TAF4B: variants seen among roughly 807,000 people sequenced by gnomAD.
The protein encoded by TAF4B is transcription initiation factor TFIID subunit 4B.
TAF4B carries 38 observed loss-of-function variants against 86.4 expected under a neutral mutation model. The ratio of observed to expected loss-of-function variants is 0.44; its 90% confidence interval spans 0.34 to 0.58. TAF4B has a LOEUF of 0.58. TAF4B is among the 20% of genes least tolerant of loss of function. The probability of loss-of-function intolerance (pLI) is 0.02; values close to 1 mark genes in which losing one functional copy is unlikely to be tolerated. For synonymous variants in TAF4B, 388 were observed against 391.2 expected (o/e 0.99, Z 0.10); for missense variants, 988 against 1,027.6 (o/e 0.96, Z 0.53).
At chr18:26,302,417 C>T (rs1041951022) in intron 9 of TAF4B, among the ~76,000 whole-genome samples, 2 of 135,816 alleles carry the variant, frequency 1.5e-5, no homozygotes, top group African/African-American at 2.8e-5. Flanking sequence ...GTCACCTAGG[C>T]TGGAGTGCAT....
At chr18:26,296,922 T>A (rs529859857) in intron 9 of TAF4B, among the ~76,000 whole-genome samples, 1 of 18,494 alleles carries the variant, frequency 5.4e-5, no homozygotes, top group Non-Finnish European at 3.4e-4. Flanking sequence ...GGTGGATCAC[T>A]TGAGTCAAGA....
chr18:26,275,077 C>T, intron 5 of TAF4B, 24 bp downstream of exon 5: 1 of 1,585,994 alleles, frequency 6.3e-7, no homozygotes, highest in Non-Finnish European at 8.5e-7. Flanking sequence ...TAAAATCCTG[C>T]AAATTCTGGA....
intron 1 of TAF4B, chr18:26,256,105 G>T (rs1168946900): frequency 2.6e-6 from 4 of 1,524,092 alleles, no homozygotes; most frequent in Non-Finnish European, 2.7e-6. Flanking sequence ...TCTTTAGACT[G>T]GGTCCAGCCC....
chr18:26,277,258 A>AT (rs919837589), intron 5 of TAF4B, among the ~76,000 whole-genome samples: 9 of 151,730 alleles, frequency 5.9e-5, no homozygotes, highest in African/African-American at 1.5e-4. Context: ...TAATTTTTTG[A>AT]TTTTTTTTGT....
chr18:26,285,205 C>T (rs2056495944), intron 6 of TAF4B, among the ~76,000 whole-genome samples: 1 of 23,454 alleles, frequency 4.3e-5, no homozygotes, highest in Non-Finnish European at 1.4e-4. Flanking sequence ...CTATTTCTTC[C>T]TTTCCTTTTT....
chr18:26,251,663 T>C (rs1418584964), intron 1 of TAF4B, among the ~76,000 whole-genome samples: 1 of 152,166 alleles, frequency 6.6e-6, no homozygotes, highest in Non-Finnish European at 1.5e-5. Flanking sequence ...CTTTTATGAT[T>C]GGAAAAAGTG....
At position 26,335,222 on chromosome 18, in the gene TAF4B, A is replaced by C. The variant is rs374404975; in HGVS notation, c.2307A>C (p.Lys769Asn). ...EDPEQLRLKQ[K>N]AKELQQLELA... ...CAGAACAGCTGAGATTAAAGCAGAA[A>C]GCCAAAGAGGTAGGACTTTCAAGTT... The change falls in exon 13 of 15, where the codon AAA becomes AAC. Residue 769 changes from lysine (K) to asparagine (N), a missense_variant. Physicochemically the swap from Lys to Asn is moderately conservative, Grantham distance 94 (BLOSUM62 0). This residue lies in a region of TAF4B where 216 missense variants were observed against 238.4 expected (regional missense o/e 0.91). Coordinates refer to ENST00000269142, the MANE Select transcript of TAF4B (RefSeq NM_005640.3). 4.9e-5 allele frequency: 79 copies of C among 1,613,702 alleles called. No individual in the cohort carries two copies. Among genetic ancestry groups the C allele is most frequent in the Middle Eastern group, 1.6e-4 (1 of 6,062 alleles).
At position 26,390,606 on chromosome 18, in the gene TAF4B, A is replaced by G. The variant is rs1278748841; in HGVS notation, c.*594A>G. The G allele has an allele frequency of 6.6e-6, 1 of 152,176 alleles. No homozygotes were observed. Among genetic ancestry groups the G allele is most frequent in the East Asian group, 1.9e-4 (1 of 5,200 alleles). The allele number at this position is 152,176 out of a possible 1,614,324, so 9.4% of individuals were successfully genotyped here. On this transcript the variant is annotated 3_prime_UTR_variant, in exon 15 of 15. Transcript: ENST00000269142. The stretch of plus-strand genomic sequence containing the variant: ...GGTTGCTAATTCTCTGCTTCATATC[A>G]CCATATGCCGTTTCTGGTACCAAGT...
intron 1 of TAF4B, among the ~76,000 whole-genome samples, chr18:26,241,205 A>G (rs893178935): frequency 6.6e-6 from 1 of 152,184 alleles, no homozygotes; most frequent in Non-Finnish European, 1.5e-5. Context: ...CTGTGAATCC[A>G]TCTGGTCCTG....
rs1177041385 is a variant in TAF4B, at chr18:26,389,992, T to C, written c.2569T>C (p.Tyr857His). ...EREMKYSRALYLALLK is the reference protein window; with the variant it reads ...EREMKYSRALHLALLK ...GGAGATGAAGTATTCTCGAGCTCTA[T>C]ACCTGGCCCTTCTGAAGTGACCACT... The change falls in exon 15 of 15, where the codon TAC (tyrosine) becomes CAC (histidine). Residue 857 changes from tyrosine (Y) to histidine (H), a missense_variant. By Grantham distance (83) the Tyr-to-His change is moderately conservative (BLOSUM62 2). This residue lies in a region of TAF4B where 216 missense variants were observed against 238.4 expected (regional missense o/e 0.91). Transcript: ENST00000269142. The C allele has an allele frequency of 6.2e-7, 1 of 1,614,028 alleles. No homozygotes were observed. Among genetic ancestry groups the C allele is most frequent in the Non-Finnish European group, 8.5e-7 (1 of 1,179,978 alleles).
intron 13 of TAF4B, among the ~76,000 whole-genome samples, chr18:26,341,893 G>C (rs2057139677): frequency 6.7e-6 from 1 of 149,542 alleles, no homozygotes; most frequent in Non-Finnish European, 1.5e-5. Flanking sequence ...TTAATGTTTA[G>C]TAGTTTTTTT....
intron 6 of TAF4B, among the ~76,000 whole-genome samples, chr18:26,284,127 A>G (rs1265996289): frequency 6.6e-6 from 1 of 152,048 alleles, no homozygotes; most frequent in Non-Finnish European, 1.5e-5. Flanking sequence ...TTGCAGCTTT[A>G]CCTTGCACTT....
At chr18:26,257,902 C>A (rs189505226) in intron 1 of TAF4B, among the ~76,000 whole-genome samples, 1 of 138,768 alleles carries the variant, frequency 7.2e-6, no homozygotes, top group East Asian at 2.5e-4. Context: ...TTGCTTTATA[C>A]CTTGCATCTA....
At chr18:26,259,090 T>C (rs1351660545) in intron 1 of TAF4B, among the ~76,000 whole-genome samples, 4 of 152,060 alleles carry the variant, frequency 2.6e-5, no homozygotes, top group African/African-American at 9.7e-5. Context: ...TGCGTTTAGC[T>C]TACTTGGGGT....
chr18:26,262,990 A>G (rs1177335499), intron 1 of TAF4B, among the ~76,000 whole-genome samples: 1 of 151,926 alleles, frequency 6.6e-6, no homozygotes, highest in African/African-American at 2.4e-5. Context: ...GTGCTCTGTC[A>G]CCTAGGCGGA....
At chr18:26,357,648 G>T in intron 13 of TAF4B, 42 bp from the exon 14 acceptor site, 1 of 1,370,978 alleles carries the variant, frequency 7.3e-7, no homozygotes, top group Non-Finnish European at 1.0e-6. Context: ...CTCTGAGCAT[G>T]AATGTGTATA....
chr18:26,265,358 C>G (rs1842231262), intron 2 of TAF4B, 43 bp downstream of exon 2: 5 of 1,542,280 alleles, frequency 3.2e-6, no homozygotes, highest in Non-Finnish European at 4.4e-6. Context: ...TGTTTCTCAG[C>G]TATAATTTTC....
At chr18:26,284,905 C>T (rs895053426) in intron 6 of TAF4B, among the ~76,000 whole-genome samples, 1 of 152,122 alleles carries the variant, frequency 6.6e-6, no homozygotes, top group South Asian at 2.1e-4. Flanking sequence ...TCAATTCTTT[C>T]AGATCGTAAA....
chr18:26,243,451 C>G (rs2144472533), intron 1 of TAF4B, among the ~76,000 whole-genome samples: 1 of 152,122 alleles, frequency 6.6e-6, no homozygotes, highest in East Asian at 1.9e-4. Flanking sequence ...AAGGTCTTTT[C>G]TACACTGTTT....
Sources: gnomAD v4.1 joint callset for allele counts (sites outside exome capture counted in the v4.1 genomes callset) on GRCh38, gnomAD v4.1.1 for gene constraint, gnomAD v4.1.1 regional missense constraint, MANE v1.5 for transcripts, NCBI Gene and HGNC (gene_info 2026-07-23, HGNC 2026-07-21) for gene names.